MED19: variants seen among roughly 807,000 people sequenced by gnomAD.
MED19 encodes mediator of RNA polymerase II transcription subunit 19.
Under a neutral mutation model 19.9 loss-of-function variants are expected in MED19, and 4 were observed. That is an observed-to-expected ratio of 0.20 (90% CI 0.10 to 0.46). The LOEUF is 0.46. Among genes scored for constraint, MED19 ranks in the 20% least tolerant of loss-of-function variants. MED19 has a pLI of 0.99. For synonymous variants in MED19, 139 were observed against 119.6 expected, an observed-to-expected ratio of 1.16 and a Z score of -1.06; for missense variants, 303 against 318.7, an observed-to-expected ratio of 0.95 and a Z score of 0.38.
chr11:57,709,687 T>C lies in MED19; in HGVS notation c.217+2276A>G, dbSNP rs2969942. On this transcript the variant is annotated intron_variant, in intron 1 of 4. Transcript: ENST00000431606. ...ATTTCTACCACCTCATCTTCCTAGGTAGCTGAGACTACAGGTGCATGCTGC... is the reference window on the plus strand; with the variant it reads ...ATTTCTACCACCTCATCTTCCTAGGCAGCTGAGACTACAGGTGCATGCTGC... 9.2e-3 allele frequency among the ~76,000 whole-genome samples: 1,395 copies of C among 152,282 alleles called. 24 individuals are homozygous for C. The highest frequency in any genetic ancestry group is 0.032 in the African/African-American group (1,342 of 41,548).
chr11:57,705,229 C>T, exon 2 of MED19: 1 of 1,613,358 alleles, frequency 6.2e-7, no homozygotes, highest in South Asian at 1.1e-5. Context: ...CTCTGTGCTA[C>T]CTAGACAACG....
chr11:57,710,880 A>G (rs990972486), intron 1 of MED19, among the ~76,000 whole-genome samples: 72 of 152,198 alleles, frequency 4.7e-4, no homozygotes, highest in African/African-American at 1.7e-3. Flanking sequence ...TATTTTGTAG[A>G]GACTGGGTCT....
chr11:57,705,035 T>G, exon 2 of MED19: 1 of 1,614,200 alleles, frequency 6.2e-7, no homozygotes, highest in Non-Finnish European at 8.5e-7. Flanking sequence ...AAAGAGCTAC[T>G]GAGAATAGGG....
chr11:57,704,519 G>A, intron 3 of MED19, 123 bp from the exon 4 acceptor site: 1 of 1,582,530 alleles, frequency 6.3e-7, no homozygotes, highest in Admixed American at 2.0e-5. Flanking sequence ...GGCCAGAAAG[G>A]ATACAGAGGT....
intron 1 of MED19, among the ~76,000 whole-genome samples, chr11:57,705,467 A>C (rs1946498115): frequency 6.6e-6 from 1 of 152,104 alleles, no homozygotes. Flanking sequence ...CTGGCTAACA[A>C]CACGGTGAAA....
At chr11:57,712,109 C>A in exon 1 of MED19, 1 of 1,527,764 alleles carries the variant, frequency 6.5e-7, no homozygotes, top group Non-Finnish European at 8.8e-7. Flanking sequence ...CTTTCCTGGT[C>A]CGAAGCCGAG....
At chr11:57,706,670 T>C (rs1440248701) in intron 1 of MED19, among the ~76,000 whole-genome samples, 1 of 151,556 alleles carries the variant, frequency 6.6e-6, no homozygotes, top group African/African-American at 2.4e-5. Context: ...GAGGCGGAGG[T>C]TGCAGTGAGC....
exon 1 of MED19, chr11:57,712,085 G>A: frequency 6.5e-7 from 1 of 1,529,012 alleles, no homozygotes; most frequent in Non-Finnish European, 8.8e-7. Context: ...AGGAGGCGGT[G>A]GCGGGGGTGG....
intron 1 of MED19, among the ~76,000 whole-genome samples, chr11:57,708,535 C>G (rs1000327817): frequency 5.9e-5 from 9 of 152,154 alleles, no homozygotes; most frequent in African/African-American, 2.2e-4. Context: ...CACTGTCATT[C>G]TGGATAGCAA....
chr11:57,704,046 G>GGCT (rs746751678), exon 5 of MED19: 41 of 1,535,764 alleles, frequency 2.7e-5, no homozygotes, highest in African/African-American at 4.1e-5. Flanking sequence ...TATTAGCGTA[G>GGCT]GCTGCTGCTG....
In MED19 at chr11:57,709,882, T is replaced by C. The variant is rs184436938; in HGVS notation, c.217+2081A>G. ...GGCCCTGTATTCAATTTTTCAACCC[T>C]GTCAGCTCTACCTCTAACATCCTGT... On this transcript the variant is annotated intron_variant, in intron 1 of 4. Coordinates refer to ENST00000431606, the Ensembl canonical transcript of MED19. Among the ~76,000 whole-genome samples the C allele has an allele frequency of 9.5e-4, 144 of 152,318 alleles. No homozygotes were observed. In the Middle Eastern group the frequency reaches 0.017, roughly 18 times the overall value.
In MED19 at chr11:57,704,113, G is replaced by T. The variant is rs776782929; in HGVS notation, c.667-7C>A. ...GGTCTGGACTATGTCGATTCTGGGG[G>T]AGAAAGAAGCAGGGTAAGAACAACT... On this transcript the variant is annotated splice_polypyrimidine_tract_variant and splice_region_variant and intron_variant, in intron 4 of 4. Coordinates refer to ENST00000431606, the Ensembl canonical transcript of MED19. 1.1e-5 allele frequency: 17 copies of T among 1,536,056 alleles called. No homozygotes were observed. In the East Asian group the frequency reaches 4.2e-4, roughly 38 times the overall value.
rs200909581 is a variant in MED19 at position 57,712,181 on chromosome 11, G to C, written c.-2C>G. ...AAACAGTGCCGTGAAATTCTCCATC[G>C]TACCCTCCGCCCCGGCGCTGTCTCC... is the stretch of plus-strand genomic sequence containing the variant. On this transcript the variant is annotated 5_prime_UTR_variant, in exon 1 of 5. Transcript: ENST00000431606. 2.6e-6 allele frequency: 4 copies of C among 1,519,358 alleles called. No homozygotes were observed. In the East Asian group the frequency reaches 1.1e-4, roughly 40 times the overall value. The allele number at this position is 1,519,358 out of a possible 1,614,324, so 94.1% of individuals were successfully genotyped here. A position where few individuals can be genotyped will look rare whatever the true frequency, so the allele number is the denominator to read the frequency against.
At chr11:57,707,144 G>C (rs1946517870) in intron 1 of MED19, among the ~76,000 whole-genome samples, 2 of 150,658 alleles carry the variant, frequency 1.3e-5, no homozygotes, top group Admixed American at 1.3e-4. Flanking sequence ...GTTGCAGTGA[G>C]CTGAGTTTGC....
chr11:57,708,178 A>AC (rs1171724433), intron 1 of MED19, among the ~76,000 whole-genome samples: 2 of 152,180 alleles, frequency 1.3e-5, no homozygotes, highest in African/African-American at 4.8e-5. Context: ...AATCTTGCCA[A>AC]CATCACTCAG....
intron 1 of MED19, among the ~76,000 whole-genome samples, chr11:57,709,426 A>T (rs1020801268): frequency 2.6e-5 from 4 of 152,078 alleles, no homozygotes; most frequent in African/African-American, 9.7e-5. Context: ...ACATGTCCAA[A>T]ATAACTCTTG....
chr11:57,712,195 G>T, exon 1 of MED19: 1 of 1,490,138 alleles, frequency 6.7e-7, no homozygotes, highest in Non-Finnish European at 9.0e-7. Context: ...CCTCCGCCCC[G>T]GCGCTGTCTC....
exon 5 of MED19, chr11:57,704,050 G>A (rs1946479035): frequency 6.5e-7 from 1 of 1,536,080 alleles, no homozygotes; most frequent in African/African-American, 1.4e-5. Context: ...AGCGTAGGCT[G>A]CTGCTGCTGC....
At chr11:57,710,387 C>T (rs1257987171) in intron 1 of MED19, among the ~76,000 whole-genome samples, 2 of 152,152 alleles carry the variant, frequency 1.3e-5, no homozygotes, top group African/African-American at 4.8e-5. Context: ...TAAATGGCTT[C>T]CTTTTGTATT....
Sources: allele counts gnomAD v4.1 joint callset (sites outside exome capture counted in the v4.1 genomes callset), GRCh38; gene constraint gnomAD v4.1.1; transcripts MANE v1.5; gene names NCBI Gene and HGNC (gene_info 2026-07-23, HGNC 2026-07-21).